Variants in DSE observed in about 807,000 individuals in gnomAD.
The protein encoded by DSE is dermatan-sulfate epimerase.
Under a neutral mutation model 84.4 loss-of-function variants are expected in DSE, and 36 were observed. That is an observed-to-expected ratio of 0.43 (90% confidence interval 0.33 to 0.56). The LOEUF (loss-of-function observed/expected upper bound fraction) is 0.56, where lower values mean the gene tolerates loss of function less well. Ranked by LOEUF, DSE falls within the 20% of genes least tolerant of loss-of-function variation. The probability of loss-of-function intolerance (pLI) is 0.06; values close to 1 mark genes in which losing one functional copy is unlikely to be tolerated. For missense variants in DSE, 862 were observed against 1,169.6 expected (o/e 0.74, Z 3.84); for synonymous variants, 410 against 430.1 (o/e 0.95, Z 0.58).
intron 1 of DSE, chr6:116,255,917 A>G (rs1772122823): frequency 6.6e-6 from 1 of 152,190 alleles, no homozygotes. Context: ...AAAGATTTAT[A>G]TCTCTACTAC....
chr6:116,273,180 A>G (rs1307854358), intron 2 of DSE, among the ~76,000 whole-genome samples: 1 of 152,228 alleles, frequency 6.6e-6, no homozygotes, highest in Non-Finnish European at 1.5e-5. Flanking sequence ...TTCTCTGCCC[A>G]TCAGGTCATA....
At chr6:116,370,422 G>A (rs1461869008), upstream of DSE, 1 of 987,928 alleles carries the variant, frequency 1.0e-6, no homozygotes, top group Non-Finnish European at 1.2e-6. Flanking sequence ...TTTGAGAAGA[G>A]AGTAAAACCG....
chr6:116,403,161 T>C (rs918036369), intron 2 of DSE, among the ~76,000 whole-genome samples: 1 of 152,188 alleles, frequency 6.6e-6, no homozygotes, highest in African/African-American at 2.4e-5. Context: ...CTAATCTATA[T>C]GCTTTATCTA....
chr6:116,285,349 C>A (rs1773824107), intron 2 of DSE, among the ~76,000 whole-genome samples: 1 of 152,142 alleles, frequency 6.6e-6, no homozygotes, highest in Admixed American at 6.5e-5. Context: ...TATCCCTCGC[C>A]CACTTTTTGA....
In DSE at chr6:116,258,794, G is replaced by C. The variant is rs779238734; in HGVS notation, c.-227G>C. 5 of 1,609,564 alleles carry C rather than the reference G, an allele frequency of 3.1e-6. No individual in the cohort carries two copies. In the Admixed American group the frequency reaches 5.0e-5, roughly 16 times the overall value. On this transcript the variant is annotated 5_prime_UTR_variant, in exon 2 of 4. Transcript: ENST00000430252. ...ATGGCGTTCACCAGGACCTGCAGAG[G>C]GTTCTCGCCTGTGAGCAGGTGTATG... is the stretch of plus-strand genomic sequence containing the variant.
At chr6:116,340,817 C>T (rs2114818541) in intron 2 of DSE, among the ~76,000 whole-genome samples, 1 of 152,296 alleles carries the variant, frequency 6.6e-6, no homozygotes, top group South Asian at 2.1e-4. Flanking sequence ...AGGACATGAA[C>T]TCATCCTTTT....
At chr6:116,363,742 C>T (rs113467265) in intron 2 of DSE, among the ~76,000 whole-genome samples, 64 of 152,290 alleles carry the variant, frequency 4.2e-4, no homozygotes, top group African/African-American at 1.5e-3. Flanking sequence ...TTAAGCTTAA[C>T]GCTGCTAAAT....
intron 2 of DSE, among the ~76,000 whole-genome samples, chr6:116,322,876 C>T (rs540947397): frequency 5.3e-5 from 8 of 152,260 alleles, no homozygotes; most frequent in African/African-American, 1.7e-4. Flanking sequence ...AGAAGAGTAA[C>T]TTCCCAGATT....
chr6:116,425,790 T>C (rs912571347), intron 2 of DSE, among the ~76,000 whole-genome samples: 8 of 151,614 alleles, frequency 5.3e-5, no homozygotes, highest in African/African-American at 1.9e-4. Context: ...GCCCGGCTAA[T>C]TTTTTGTATT....
chr6:116,270,961 C>G (rs1432954928), intron 2 of DSE, among the ~76,000 whole-genome samples: 1 of 152,074 alleles, frequency 6.6e-6, no homozygotes, highest in Non-Finnish European at 1.5e-5. Flanking sequence ...AAAATGAGAG[C>G]ATATATGGAA....
chr6:116,350,892 C>G (rs951618202), intron 2 of DSE, among the ~76,000 whole-genome samples: 6 of 149,878 alleles, frequency 4.0e-5, no homozygotes, highest in African/African-American at 1.5e-4. Flanking sequence ...TAAAGATTTT[C>G]CTGGCATATC....
intron 2 of DSE, among the ~76,000 whole-genome samples, chr6:116,356,108 G>A (rs1007233339): frequency 2.6e-5 from 4 of 152,178 alleles, no homozygotes; most frequent in Non-Finnish European, 5.9e-5. Flanking sequence ...CCTGTAGATT[G>A]GTATGGACAG....
At chr6:116,264,388 T>C (rs1242762397) in intron 2 of DSE, among the ~76,000 whole-genome samples, 1 of 152,116 alleles carries the variant, frequency 6.6e-6, no homozygotes, top group Non-Finnish European at 1.5e-5. Context: ...ATACCCATGA[T>C]TGCATTATGA....
intron 2 of DSE, among the ~76,000 whole-genome samples, chr6:116,413,191 T>C (rs918977095): frequency 1.3e-5 from 2 of 152,182 alleles, no homozygotes; most frequent in Non-Finnish European, 2.9e-5. Context: ...CAACTTTACA[T>C]ATATAAATAT....
chr6:116,298,465 T>C (rs1774802218), intron 2 of DSE, among the ~76,000 whole-genome samples: 1 of 152,168 alleles, frequency 6.6e-6, no homozygotes, highest in Non-Finnish European at 1.5e-5. Flanking sequence ...TTGTTAGTTT[T>C]GAAGACAGAG....
chr6:116,301,593 A>T (rs1294067443), intron 2 of DSE, among the ~76,000 whole-genome samples: 1 of 152,130 alleles, frequency 6.6e-6, no homozygotes, highest in Admixed American at 6.5e-5. Context: ...TCACATCCTT[A>T]CTTAAACCGC....
intron 2 of DSE, among the ~76,000 whole-genome samples, chr6:116,360,212 G>A (rs1182318400): frequency 6.6e-6 from 1 of 152,120 alleles, no homozygotes; most frequent in East Asian, 1.9e-4. Context: ...GGGAGGGAGA[G>A]CATCAGGAAA....
chr6:116,298,177 T>G (rs1366248929), intron 2 of DSE, among the ~76,000 whole-genome samples: 2 of 152,178 alleles, frequency 1.3e-5, no homozygotes, highest in Non-Finnish European at 2.9e-5. Context: ...GTTGTGAAGA[T>G]TAAATGAGGC....
chr6:116,356,311 C>G (rs950329812), intron 2 of DSE, among the ~76,000 whole-genome samples: 2 of 152,148 alleles, frequency 1.3e-5, no homozygotes, highest in Non-Finnish European at 2.9e-5. Flanking sequence ...CTGCCTAAAG[C>G]TATGATATCT....
Sources: gnomAD v4.1 joint callset for allele counts (sites outside exome capture counted in the v4.1 genomes callset) on GRCh38, gnomAD v4.1.1 for gene constraint, MANE v1.5 for transcripts, NCBI Gene and HGNC (gene_info 2026-07-23, HGNC 2026-07-21) for gene names.